Variants in MINDY4 observed in about 807,000 individuals in gnomAD.
MINDY4 encodes the protein probable ubiquitin carboxyl-terminal hydrolase MINDY-4.
Under a neutral mutation model 87.0 loss-of-function variants are expected in MINDY4, and 68 were observed. The observed-to-expected ratio is 0.78, with a 90% confidence interval of 0.64 to 0.96. MINDY4 has a LOEUF of 0.96. Ranked by LOEUF, MINDY4 falls within the 40% of genes least tolerant of loss-of-function variation. The probability of loss-of-function intolerance (pLI) is 0.00; values close to 1 mark genes in which losing one functional copy is unlikely to be tolerated. For missense variants in MINDY4, 919 were observed against 928.2 expected (o/e 0.99, Z 0.13); for synonymous variants, 379 against 363.2 (o/e 1.04, Z -0.50).
At chr7:30,794,557 TGTGA>T (rs998425657) in intron 5 of MINDY4, among the ~76,000 whole-genome samples, 54 of 152,248 alleles carry the variant, frequency 3.5e-4, no homozygotes, top group African/African-American at 1.3e-3. Flanking sequence ...TGTTAGGCGG[TGTGA>T]GTATCTGTGC....
chr7:30,835,632 A>G (rs528383993), intron 6 of MINDY4, among the ~76,000 whole-genome samples: 1 of 152,322 alleles, frequency 6.6e-6, no homozygotes, highest in East Asian at 1.9e-4. Flanking sequence ...AGGCTGTAGC[A>G]TAAGATATAA....
chr7:30,873,879 A>C (rs972786053), intron 14 of MINDY4, among the ~76,000 whole-genome samples: 1 of 152,208 alleles, frequency 6.6e-6, no homozygotes, highest in Non-Finnish European at 1.5e-5. Context: ...CATTTCCTCC[A>C]AATTCTTGTG....
At chr7:30,817,841 C>T (rs1324489406) in intron 5 of MINDY4, among the ~76,000 whole-genome samples, 1 of 152,234 alleles carries the variant, frequency 6.6e-6, no homozygotes, top group Non-Finnish European at 1.5e-5. Context: ...ATCTAACCCT[C>T]TTGTTCATTG....
At chr7:30,818,226 A>G (rs927921007) in intron 5 of MINDY4, among the ~76,000 whole-genome samples, 1 of 152,158 alleles carries the variant, frequency 6.6e-6, no homozygotes, top group African/African-American at 2.4e-5. Flanking sequence ...TATGAATTAC[A>G]TTATTAGATT....
chr7:30,879,789 T>C lies in MINDY4; in HGVS notation c.1972-2392T>C, dbSNP rs149162796. 2.1e-3 allele frequency among the ~76,000 whole-genome samples: 326 copies of C among 152,350 alleles called. 3 individuals are homozygous for C. The highest frequency in any genetic ancestry group is 7.6e-3 in the African/African-American group (317 of 41,586). ...CAGGGTATCTTAATTCTTTCCTTCATAGGGCCTCCTCTGGATTTTAAGCAT... is the reference window on the plus strand; with the variant it reads ...CAGGGTATCTTAATTCTTTCCTTCACAGGGCCTCCTCTGGATTTTAAGCAT... On this transcript the variant is annotated intron_variant, in intron 15 of 17. Transcript: ENST00000265299.
intron 1 of MINDY4, among the ~76,000 whole-genome samples, chr7:30,777,417 C>T (rs956291247): frequency 5.9e-5 from 9 of 152,194 alleles, no homozygotes; most frequent in Non-Finnish European, 1.3e-4. Context: ...GGACTCTTCC[C>T]GATGCACCTA....
At chr7:30,836,005 G>A (rs80056889) in intron 6 of MINDY4, among the ~76,000 whole-genome samples, 2 of 152,144 alleles carry the variant, frequency 1.3e-5, no homozygotes, top group African/African-American at 2.4e-5. Context: ...GTTACTAGGA[G>A]TCACTCTCTC....
chr7:30,859,559 A>C (rs1789687251), intron 13 of MINDY4, among the ~76,000 whole-genome samples: 1 of 152,320 alleles, frequency 6.6e-6, no homozygotes, highest in South Asian at 2.1e-4. Context: ...AACCTGAAAG[A>C]CACGCCACCA....
At position 30,850,479 on chromosome 7, in the gene MINDY4, C is replaced by T. The variant is rs201907604; in HGVS notation, c.1471C>T (p.Arg491Trp). 170 of 1,612,436 alleles carry T rather than the reference C, an allele frequency of 1.1e-4. No individual in the cohort carries two copies. Among genetic ancestry groups the T allele is most frequent in the Middle Eastern group, 1.7e-4 (1 of 6,046 alleles). The change falls in exon 10 of 18, where the codon CGG (arginine) becomes TGG (tryptophan). Residue 491 changes from arginine (R) to tryptophan (W), a missense_variant. Coordinates refer to ENST00000265299, the MANE Select transcript of MINDY4 (RefSeq NM_032222.3). ...GGGACTGCAGCCTTCAGATGCCCACCGGACCCGCTGCCTCGTCCTGGCCCT... is the reference window on the plus strand; with the variant it reads ...GGGACTGCAGCCTTCAGATGCCCACTGGACCCGCTGCCTCGTCCTGGCCCT... ...AQGLQPSDAH[R>W]TRCLVLALAD...
At chr7:30,891,065 C>A (rs767198351) in intron 17 of MINDY4, among the ~76,000 whole-genome samples, 1 of 152,144 alleles carries the variant, frequency 6.6e-6, no homozygotes, top group African/African-American at 2.4e-5. Flanking sequence ...CTGTTCCCTG[C>A]CCAAACCTCA....
Position 30,778,640 on chromosome 7 carries a change from G to T in MINDY4, c.183+89G>T, listed in dbSNP as rs1786902546. On this transcript the variant is annotated intron_variant, in intron 2 of 17. Transcript: ENST00000265299. The stretch of plus-strand genomic sequence containing the variant: ...ATGGGCCCTGCCAGTGACAGGAGAG[G>T]CTTGAGGTTCTCCTGGCCTGTCACA... The T allele has an allele frequency of 6.1e-6, 9 of 1,471,762 alleles. No homozygotes were observed. In the South Asian group the frequency reaches 9.3e-5, roughly 15 times the overall value. 91.2% of individuals were successfully genotyped at this position (1,471,762 alleles called of 1,614,324 possible). A position where few individuals can be genotyped will look rare whatever the true frequency, so the allele number is the denominator to read the frequency against.
chr7:30,881,519 C>A (rs575387331), intron 15 of MINDY4, among the ~76,000 whole-genome samples: 2 of 152,126 alleles, frequency 1.3e-5, no homozygotes, highest in South Asian at 4.1e-4. Context: ...TTGTCTTTAC[C>A]GTGCAGTTCT....
At chr7:30,815,024 C>T (rs1584268618) in intron 5 of MINDY4, among the ~76,000 whole-genome samples, 1 of 152,168 alleles carries the variant, frequency 6.6e-6, no homozygotes. Flanking sequence ...TTTTGTGGGA[C>T]TCAGCCTCTC....
intron 14 of MINDY4, among the ~76,000 whole-genome samples, chr7:30,872,968 C>A (rs1446321978): frequency 6.6e-6 from 1 of 152,248 alleles, no homozygotes; most frequent in Non-Finnish European, 1.5e-5. Flanking sequence ...ACAGTGAAAT[C>A]TGGCTCTCAG....
chr7:30,853,459 G>A lies in MINDY4; in HGVS notation c.1677G>A (p.Gln559=), dbSNP rs1220639751. 1.2e-6 allele frequency: 2 copies of A among 1,610,998 alleles called. No individual in the cohort carries two copies. The highest frequency in any genetic ancestry group is 1.1e-5 in the South Asian group (1 of 90,382). Residue 559 remains glutamine, a splice_region_variant and synonymous_variant, in exon 12 of 18, where the codon CAG becomes CAA. Coordinates refer to ENST00000265299, the MANE Select transcript of MINDY4 (RefSeq NM_032222.3). The part of the protein sequence containing the change: ...LVTFLQQSIH[Q]FEVGPYGCIL... ...CTTTTCTTCAACAAAGCATTCATCA[G>A]GTATGAAGCATGCCTTACTCCTGTG...
At chr7:30,801,008 CA>C (rs1787632740) in intron 5 of MINDY4, among the ~76,000 whole-genome samples, 1 of 152,126 alleles carries the variant, frequency 6.6e-6, no homozygotes, top group Non-Finnish European at 1.5e-5. Flanking sequence ...TTAAGCAGTC[CA>C]GGGGGAGAGA....
Position 30,887,418 on chromosome 7 carries a change from T to G in MINDY4, c.2225+4425T>G, listed in dbSNP as rs376622478. On this transcript the variant is annotated intron_variant, in intron 17 of 17. Coordinates refer to ENST00000265299, the MANE Select transcript of MINDY4 (RefSeq NM_032222.3). ...TCTAAGGATCCCTCTCCTGAGCTGCTGTGAGGTTGAGAGAAGAGCTGTGGA... is the reference window on the plus strand; with the variant it reads ...TCTAAGGATCCCTCTCCTGAGCTGCGGTGAGGTTGAGAGAAGAGCTGTGGA... Among the ~76,000 whole-genome samples the G allele has an allele frequency of 2.6e-4, 40 of 152,342 alleles. No homozygotes were observed. In the East Asian group the frequency reaches 5.8e-3, roughly 22 times the overall value.
chr7:30,871,110 G>A (rs962744137), intron 13 of MINDY4, among the ~76,000 whole-genome samples: 5 of 150,822 alleles, frequency 3.3e-5, no homozygotes, highest in African/African-American at 1.2e-4. Flanking sequence ...GACTCCCAGG[G>A]TCGTGTGTGC....
chr7:30,807,329 T>G (rs561430384), intron 5 of MINDY4, among the ~76,000 whole-genome samples: 52 of 152,240 alleles, frequency 3.4e-4, no homozygotes, highest in East Asian at 2.9e-3. Context: ...AAGAAACCCA[T>G]CCACACACAG....
Sources: allele counts gnomAD v4.1 joint callset (sites outside exome capture counted in the v4.1 genomes callset), GRCh38; gene constraint gnomAD v4.1.1; transcripts MANE v1.5; gene names NCBI Gene and HGNC (gene_info 2026-07-23, HGNC 2026-07-21).